Variants in AMZ1 observed in about 807,000 individuals in gnomAD.
AMZ1 encodes the protein archaelysin family metallopeptidase 1.
A neutral mutation model predicts 29.9 loss-of-function variants in AMZ1; 39 were observed. The observed-to-expected ratio is 1.30, with a 90% CI of 1.01 to 1.70. AMZ1 has a LOEUF of 1.70. AMZ1 is among the 40% of genes most tolerant of loss of function. The pLI is 0.00. For synonymous variants in AMZ1, 458 were observed against 304.0 expected, an observed-to-expected ratio of 1.51 and a Z score of -5.27; for missense variants, 1,041 against 680.6, an observed-to-expected ratio of 1.53 and a Z score of -5.89.
chr7:2,687,154 C>G (rs1025058253), upstream of AMZ1, among the ~76,000 whole-genome samples: 3 of 151,976 alleles, frequency 2.0e-5, no homozygotes, highest in Admixed American at 6.5e-5. Context: ...AGGTGAAACC[C>G]CATCTCTATT....
At chr7:2,756,654 C>A (rs537623916) in intron 4 of AMZ1, among the ~76,000 whole-genome samples, 1 of 152,216 alleles carries the variant, frequency 6.6e-6, no homozygotes, top group South Asian at 2.1e-4. Flanking sequence ...TCTGTGTGAT[C>A]TTGGGTTAGG....
At chr7:2,746,530 G>A (rs958752208) in intron 4 of AMZ1, among the ~76,000 whole-genome samples, 46 of 151,544 alleles carry the variant, frequency 3.0e-4, no homozygotes, top group African/African-American at 1.1e-3. Flanking sequence ...TGTGTAGAGG[G>A]AAATTTATAG....
rs745552736 is a variant in AMZ1, at chr7:2,700,589, G to A, written c.138G>A (p.Glu46=). Residue 46 remains glutamate (E), a synonymous_variant, in exon 2 of 7, where the codon GAG becomes GAA. Transcript: ENST00000683327. ...FSPAERLFLA[E]AYNPQRTLFC... is the part of the protein sequence containing the mutation. ...CTGCCGAGCGGCTCTTCCTGGCCGA[G>A]GCCTACAACCCGCAGAGGACGCTCT... is the stretch of plus-strand genomic sequence containing the variant. The A allele has an allele frequency of 6.8e-6, 11 of 1,610,316 alleles. No homozygotes were observed. Among genetic ancestry groups the A allele is most frequent in the South Asian group, 1.1e-5 (1 of 91,088 alleles).
upstream of AMZ1, among the ~76,000 whole-genome samples, chr7:2,686,402 C>T (rs1360738119): frequency 1.3e-5 from 2 of 152,046 alleles, no homozygotes. Context: ...GGTGTGATGG[C>T]ACGTACCTGT....
Position 2,712,559 on chromosome 7 carries a change from C to A in AMZ1, c.1178C>A (p.Ala393Asp). The change falls in exon 7 of 7, where the codon GCT becomes GAT. Residue 393 changes from alanine to aspartate, a missense_variant. Coordinates refer to ENST00000683327, the MANE Select transcript of AMZ1 (RefSeq NM_001384743.1). ...CTGAGCTACCTGGCAGCCTCAGAGGCTCCGCTGCCACCTGGGGGCCCTGCG... is the reference window on the plus strand; with the variant it reads ...CTGAGCTACCTGGCAGCCTCAGAGGATCCGCTGCCACCTGGGGGCCCTGCG... ...EGLSYLAASE[A>D]PLPPGGPAEA... 6.2e-7 allele frequency: 1 copy of A among 1,610,330 alleles called. No homozygotes were observed. Among genetic ancestry groups the A allele is most frequent in the South Asian group, 1.1e-5 (1 of 90,752 alleles).
In AMZ1 at chr7:2,700,540, A is replaced by T. The variant is rs1354094254; in HGVS notation, c.89A>T (p.Gln30Leu). 1 of 1,609,238 alleles carries T rather than the reference A, an allele frequency of 6.2e-7. No individual in the cohort carries two copies. The highest frequency in any genetic ancestry group is 1.7e-5 in the Admixed American group (1 of 60,030). ...ALVSTDAALQ[Q>L]LYVSAFSPAE... ...GTCTCCACTGACGCAGCCCTGCAGCAGCTGTATGTGTCCGCCTTCTCCCCT... is the reference window on the plus strand; with the variant it reads ...GTCTCCACTGACGCAGCCCTGCAGCTGCTGTATGTGTCCGCCTTCTCCCCT... Residue 30 changes from glutamine (Q) to leucine (L), a missense_variant, in exon 2 of 7, where the codon CAG (glutamine) becomes CTG (leucine). Transcript: ENST00000683327.
rs1341585615 is a variant in AMZ1, at chr7:2,714,484, G to GT, written c.*1607dup. On this transcript the variant is annotated 3_prime_UTR_variant, in exon 7 of 7. Coordinates refer to ENST00000683327, the MANE Select transcript of AMZ1 (RefSeq NM_001384743.1). The stretch of plus-strand genomic sequence containing the variant: ...CTCTTTTGCGTAGCTTCAAAAAGGC[G>GT]TAACAGTGACCTGGGAGGGGAGATG... 2.6e-5 allele frequency: 4 copies of GT among 152,296 alleles called. No individual in the cohort carries two copies. The highest frequency in any genetic ancestry group is 4.4e-5 in the Non-Finnish European group (3 of 68,032). The allele number at this position is 152,296 out of a possible 1,614,324, so 9.4% of individuals were successfully genotyped here. A position where few individuals can be genotyped will look rare whatever the true frequency, so the allele number is the denominator to read the frequency against.
chr7:2,740,305 G>C (rs1790434449), intron 4 of AMZ1, among the ~76,000 whole-genome samples: 1 of 152,130 alleles, frequency 6.6e-6, no homozygotes, highest in South Asian at 2.1e-4. Context: ...TTTGGAGATG[G>C]GGACTTTGGG....
chr7:2,700,368 CTGGACGAGACCG>C lies in AMZ1; in HGVS notation c.-80_-69del. The C allele has an allele frequency of 1.3e-6, 2 of 1,486,042 alleles. No homozygotes were observed. Among genetic ancestry groups the C allele is most frequent in the Non-Finnish European group, 1.8e-6 (2 of 1,109,188 alleles). The allele number at this position is 1,486,042 out of a possible 1,614,324, so 92.1% of individuals were successfully genotyped here. ...ACTCGGATCAGCCCGAGGGAAGATT[CTGGACGAGACCG>C]TGGCCGTCCCCCGGGTGGCCCATGG... On this transcript the variant is annotated 5_prime_UTR_variant, in exon 2 of 7. Coordinates refer to ENST00000683327, the MANE Select transcript of AMZ1 (RefSeq NM_001384743.1).
intron 1 of AMZ1, among the ~76,000 whole-genome samples, chr7:2,696,526 T>G (rs200634317): frequency 0.018 from 2,741 of 150,332 alleles, 49 homozygotes; most frequent in South Asian, 0.06. Flanking sequence ...CAAAGTGCTG[T>G]GATTACAGGC....
In AMZ1 at chr7:2,751,381, A is replaced by G. The variant is rs992268351; in HGVS notation, n.551-13331A>G. Among the ~76,000 whole-genome samples the G allele has an allele frequency of 2.1e-5, 3 of 145,662 alleles. No homozygotes were observed. In the East Asian group the frequency reaches 6.0e-4, roughly 29 times the overall value. On this transcript the variant is annotated intron_variant and non_coding_transcript_variant, in intron 4 of 4. Coordinates refer to the AMZ1 transcript ENST00000489665. The stretch of plus-strand genomic sequence containing the variant: ...AATCCAGTATAGGCAACAGAGCAAG[A>G]CCGTTTCAAAGAAAAAAGAAAAAAA...
intron 2 of AMZ1, among the ~76,000 whole-genome samples, chr7:2,701,301 A>G (rs2115107215): frequency 6.6e-6 from 1 of 151,210 alleles, no homozygotes; most frequent in South Asian, 2.1e-4. Context: ...AAGGAGATGG[A>G]AGCAGGGAGA....
At chr7:2,734,593 C>T (rs975879291) in intron 4 of AMZ1, among the ~76,000 whole-genome samples, 2 of 152,244 alleles carry the variant, frequency 1.3e-5, no homozygotes, top group South Asian at 2.1e-4. Context: ...CGGCCAGCAC[C>T]TGCTCAGTCT....
At chr7:2,706,859 A>G (rs894492515) in intron 3 of AMZ1, among the ~76,000 whole-genome samples, 3 of 152,190 alleles carry the variant, frequency 2.0e-5, no homozygotes, top group African/African-American at 7.2e-5. Context: ...ATCATTGTCA[A>G]TCAATTACCC....
chr7:2,736,616 G>T (rs1490016009), intron 4 of AMZ1, among the ~76,000 whole-genome samples: 1 of 152,218 alleles, frequency 6.6e-6, no homozygotes, highest in Non-Finnish European at 1.5e-5. Context: ...ATGTGATGTC[G>T]TGACACTGGG....
chr7:2,747,866 A>T (rs1003763755), intron 4 of AMZ1, among the ~76,000 whole-genome samples: 1 of 152,204 alleles, frequency 6.6e-6, no homozygotes, highest in Non-Finnish European at 1.5e-5. Context: ...TTATACACCA[A>T]TAACAGACAA....
At chr7:2,743,736 C>T (rs972575128) in intron 4 of AMZ1, among the ~76,000 whole-genome samples, 9 of 152,178 alleles carry the variant, frequency 5.9e-5, no homozygotes, top group Non-Finnish European at 1.0e-4. Flanking sequence ...CTGCCTCACT[C>T]GGGAAGCGCA....
At chr7:2,738,677 T>C (rs1489759671) in intron 4 of AMZ1, among the ~76,000 whole-genome samples, 1 of 152,020 alleles carries the variant, frequency 6.6e-6, no homozygotes, top group African/African-American at 2.4e-5. Context: ...TGAGTATGTC[T>C]GACTTTGGAA....
chr7:2,722,342 G>A (rs554721875), downstream of AMZ1, among the ~76,000 whole-genome samples: 280 of 151,632 alleles, frequency 1.8e-3, 3 homozygotes, highest in Admixed American at 4.9e-3. Flanking sequence ...GCGCGATCTC[G>A]GCTCACTGCA....
Sources: allele counts gnomAD v4.1 joint callset (sites outside exome capture counted in the v4.1 genomes callset), GRCh38; gene constraint gnomAD v4.1.1; transcripts MANE v1.5; gene names NCBI Gene and HGNC (gene_info 2026-07-23, HGNC 2026-07-21).